The following UTRN variants were observed in gnomAD, a reference collection of about 807,000 sequenced individuals.
The protein encoded by UTRN is utrophin.
Under a neutral mutation model 463.9 loss-of-function variants are expected in UTRN, and 283 were observed. The observed-to-expected ratio is 0.61, with a 90% CI of 0.55 to 0.67. The LOEUF (loss-of-function observed/expected upper bound fraction) is 0.67. Among genes scored for constraint, UTRN ranks in the 30% least tolerant of loss-of-function variants. The probability of loss-of-function intolerance (pLI) is 0.00; values close to 1 mark genes in which losing one functional copy is unlikely to be tolerated. For missense variants in UTRN, 3,922 were observed against 4,084.3 expected (o/e 0.96, Z 1.08); for synonymous variants, 1,442 against 1,431.5 (o/e 1.01, Z -0.17).
intron 34 of UTRN, among the ~76,000 whole-genome samples, chr6:144,502,772 G>A (rs1452596752): frequency 7.9e-5 from 12 of 152,154 alleles, no homozygotes; most frequent in South Asian, 6.2e-4. Flanking sequence ...GTATATACCC[G>A]GTAATGGGAT....
chr6:144,518,562 T>G (rs1378744152), intron 39 of UTRN, among the ~76,000 whole-genome samples: 4 of 152,222 alleles, frequency 2.6e-5, no homozygotes, highest in Admixed American at 6.5e-5. Context: ...CTTTTAAAAC[T>G]CAGCTCCATT....
chr6:144,458,271 C>G (rs949795840), intron 19 of UTRN, among the ~76,000 whole-genome samples: 2 of 152,192 alleles, frequency 1.3e-5, no homozygotes, highest in Admixed American at 1.3e-4. Flanking sequence ...CAGGTTGCTT[C>G]CCAGCATAAG....
chr6:144,768,901 G>C (rs1475740245), intron 58 of UTRN, among the ~76,000 whole-genome samples: 1 of 146,200 alleles, frequency 6.8e-6, no homozygotes, highest in African/African-American at 2.6e-5. Flanking sequence ...ACTATTGTTT[G>C]CTTCATATGA....
chr6:144,566,192 A>T (rs1313605292), intron 50 of UTRN, among the ~76,000 whole-genome samples: 4 of 152,180 alleles, frequency 2.6e-5, no homozygotes, highest in African/African-American at 9.6e-5. Context: ...TCCATGCAAG[A>T]ACTGAGCTTT....
At chr6:144,823,101 G>A (rs1779739845) in intron 66 of UTRN, among the ~76,000 whole-genome samples, 1 of 152,050 alleles carries the variant, frequency 6.6e-6, no homozygotes, top group African/African-American at 2.4e-5. Flanking sequence ...TTTGTGCTGT[G>A]ATTTTGGGGT....
intron 3 of UTRN, 61 bp downstream of exon 3, chr6:144,403,245 G>A: frequency 6.7e-7 from 1 of 1,482,152 alleles, no homozygotes; most frequent in South Asian, 1.2e-5. Flanking sequence ...GAAGGAGTTT[G>A]GTTGGAAGTG....
At chr6:144,470,256 C>T (rs536198594) in intron 23 of UTRN, among the ~76,000 whole-genome samples, 1 of 152,016 alleles carries the variant, frequency 6.6e-6, no homozygotes, top group Non-Finnish European at 1.5e-5. Context: ...AGAGGGGTTC[C>T]CCACTTCCCA....
At chr6:144,542,902 T>TA in intron 46 of UTRN, 32 bp downstream of exon 46, 1 of 1,575,400 alleles carries the variant, frequency 6.3e-7, no homozygotes, top group South Asian at 1.2e-5. Flanking sequence ...CAAAGTTTTT[T>TA]AAAAAATCAG....
chr6:144,712,202 G>A (rs1785798412), intron 53 of UTRN, among the ~76,000 whole-genome samples: 1 of 152,136 alleles, frequency 6.6e-6, no homozygotes, highest in Non-Finnish European at 1.5e-5. Context: ...GCTCTTTAAG[G>A]CCCATTAGTC....
At chr6:144,454,877 C>T (rs796853883) in intron 19 of UTRN, among the ~76,000 whole-genome samples, 11 of 152,218 alleles carry the variant, frequency 7.2e-5, no homozygotes, top group African/African-American at 2.6e-4. Flanking sequence ...AATAGATATA[C>T]CTGTGTAACC....
At chr6:144,347,252 G>T (rs1237688189) in intron 2 of UTRN, among the ~76,000 whole-genome samples, 1 of 152,230 alleles carries the variant, frequency 6.6e-6, no homozygotes, top group East Asian at 1.9e-4. Context: ...CAACATGCTT[G>T]TGCCCCACAG....
Position 144,485,501 on chromosome 6 carries a change from T to G in UTRN, c.3804T>G (p.Ala1268=), listed in dbSNP as rs759301379. The G allele has an allele frequency of 3.7e-6, 6 of 1,614,118 alleles. No homozygotes were observed. Among genetic ancestry groups the G allele is most frequent in the Non-Finnish European group, 4.2e-6 (5 of 1,179,998 alleles). The part of the protein sequence containing the change: ...STEVLPEKTD[A]VNEALESLES... ...AGGTCCTGCCTGAGAAGACGGATGC[T>G]GTCAACGAAGCCCTGGAGGTTGGAA... The change falls in exon 28 of 75, where the codon GCT becomes GCG. Residue 1268 remains alanine, a synonymous_variant. Coordinates refer to ENST00000367545, the MANE Select transcript of UTRN (RefSeq NM_007124.3).
chr6:144,339,552 C>T (rs1776982238), intron 2 of UTRN, among the ~76,000 whole-genome samples: 1 of 148,664 alleles, frequency 6.7e-6, no homozygotes, highest in Non-Finnish European at 1.5e-5. Flanking sequence ...TCTGTGTACT[C>T]TTTTCTTTTT....
intron 17 of UTRN, among the ~76,000 whole-genome samples, chr6:144,450,261 G>T (rs1364875806): frequency 6.6e-6 from 1 of 152,276 alleles, no homozygotes; most frequent in East Asian, 1.9e-4. Flanking sequence ...TTTGGGTTAA[G>T]TCCAAACTCC....
chr6:144,565,496 G>C (rs2128619524), intron 50 of UTRN, among the ~76,000 whole-genome samples: 1 of 152,214 alleles, frequency 6.6e-6, no homozygotes, highest in East Asian at 1.9e-4. Context: ...GAGTCCATAA[G>C]GCCTAGGGTT....
chr6:144,332,389 C>T (rs945324357), intron 2 of UTRN, among the ~76,000 whole-genome samples: 1 of 152,098 alleles, frequency 6.6e-6, no homozygotes, highest in East Asian at 1.9e-4. Context: ...AATGAAAAGG[C>T]GGAGTCACTT....
intron 43 of UTRN, among the ~76,000 whole-genome samples, chr6:144,536,769 A>C (rs1446115148): frequency 6.6e-6 from 1 of 152,058 alleles, no homozygotes; most frequent in Non-Finnish European, 1.5e-5. Context: ...GGCTTTTAAT[A>C]GCTTTCAAAT....
At chr6:144,471,426 A>T (rs1480320738) in intron 23 of UTRN, among the ~76,000 whole-genome samples, 1 of 152,234 alleles carries the variant, frequency 6.6e-6, no homozygotes, top group African/African-American at 2.4e-5. Context: ...TTTCCCAGTT[A>T]TACAGCAGTA....
At chr6:144,825,139 C>T (rs1780066084) in intron 66 of UTRN, among the ~76,000 whole-genome samples, 1 of 152,018 alleles carries the variant, frequency 6.6e-6, no homozygotes, top group Admixed American at 6.6e-5. Context: ...TCCCAAACTG[C>T]TAGGATTACA....
Sources: allele counts gnomAD v4.1 joint callset (sites outside exome capture counted in the v4.1 genomes callset), GRCh38; gene constraint gnomAD v4.1.1; transcripts MANE v1.5; gene names NCBI Gene and HGNC (gene_info 2026-07-23, HGNC 2026-07-21).